GALNT6: variants seen among roughly 807,000 people sequenced by gnomAD.
GALNT6 encodes GalNAc transferase 6.
Under a neutral mutation model 65.9 loss-of-function variants are expected in GALNT6, and 51 were observed. The ratio of observed to expected loss-of-function variants is 0.77; its 90% CI spans 0.62 to 0.98. The LOEUF is 0.98. Among genes scored for constraint, GALNT6 ranks in the 50% least tolerant of loss-of-function variants. The pLI is 0.00. For missense variants in GALNT6, 708 were observed against 803.3 expected, an observed-to-expected ratio of 0.88 and a Z score of 1.43; for synonymous variants, 323 against 315.1, an observed-to-expected ratio of 1.02 and a Z score of -0.26.
intron 4 of GALNT6, among the ~76,000 whole-genome samples, chr12:51,374,075 G>T (rs937940425): frequency 6.6e-6 from 1 of 151,978 alleles, no homozygotes; most frequent in Non-Finnish European, 1.5e-5. Flanking sequence ...GCCCAGGCTG[G>T]TCTTGAACTC....
At chr12:51,371,658 G>T (rs1037625638) in intron 4 of GALNT6, among the ~76,000 whole-genome samples, 5 of 152,060 alleles carry the variant, frequency 3.3e-5, no homozygotes, top group Admixed American at 3.3e-4. Flanking sequence ...AACCCTGGCT[G>T]CTGACCTAGC....
chr12:51,385,137 T>G (rs1947791234), intron 2 of GALNT6, among the ~76,000 whole-genome samples: 1 of 151,960 alleles, frequency 6.6e-6, no homozygotes. Context: ...CATAGGTGTG[T>G]GTCATCAAGA....
rs79398384 is a variant in GALNT6, at chr12:51,380,048, C to T, written c.-103-164G>A. 0.012 allele frequency among the ~76,000 whole-genome samples: 1,860 copies of T among 152,228 alleles called. 60 individuals are homozygous for T. In the East Asian group the frequency reaches 0.12, roughly 10 times the overall value. ...TCCTTCATCCATAAAATGAGGAGAC[C>T]GGAGGCAGTGTTTCTTTCCTGCCCT... On this transcript the variant is annotated intron_variant, in intron 2 of 11. Coordinates refer to ENST00000356317, the MANE Select transcript of GALNT6 (RefSeq NM_007210.4).
At chr12:51,367,867 G>A (rs2137632704) in intron 4 of GALNT6, among the ~76,000 whole-genome samples, 1 of 152,284 alleles carries the variant, frequency 6.6e-6, no homozygotes, top group South Asian at 2.1e-4. Context: ...GAAACAGGGA[G>A]TATTGTCCCC....
chr12:51,375,671 C>T (rs942194544), intron 4 of GALNT6, among the ~76,000 whole-genome samples: 1 of 151,550 alleles, frequency 6.6e-6, no homozygotes, highest in Admixed American at 6.6e-5. Context: ...GATTCTCCTG[C>T]CTCAGCCTCC....
chr12:51,364,440 A>G (rs1289894816), intron 5 of GALNT6, 85 bp from the exon 6 acceptor site: 4 of 906,174 alleles, frequency 4.4e-6, no homozygotes, highest in African/African-American at 3.3e-5. Flanking sequence ...GCCCAGGAGG[A>G]TAAGAGACAG....
At chr12:51,366,879 G>C (rs1947124030) in intron 4 of GALNT6, among the ~76,000 whole-genome samples, 1 of 152,192 alleles carries the variant, frequency 6.6e-6, no homozygotes, top group African/African-American at 2.4e-5. Flanking sequence ...TGTAATCCCA[G>C]CACTTTGGGA....
At chr12:51,389,617 G>A (rs184107704) in intron 2 of GALNT6, among the ~76,000 whole-genome samples, 25 of 152,328 alleles carry the variant, frequency 1.6e-4, no homozygotes, top group Non-Finnish European at 3.1e-4. Context: ...ATCGAAGTTA[G>A]TGACAGGGCT....
At chr12:51,368,836 C>T (rs1478643718) in intron 4 of GALNT6, among the ~76,000 whole-genome samples, 1 of 152,196 alleles carries the variant, frequency 6.6e-6, no homozygotes, top group Non-Finnish European at 1.5e-5. Flanking sequence ...AGGAATGAGG[C>T]CTCTTATCTC....
Position 51,364,106 on chromosome 12 carries a change from G to T in GALNT6, c.1049+15C>A, listed in dbSNP as rs751445455. The T allele has an allele frequency of 4.4e-6, 7 of 1,585,424 alleles. No homozygotes were observed. Among genetic ancestry groups the T allele is most frequent in the South Asian group, 2.2e-5 (2 of 90,482 alleles). Reference sequence around the variant, plus strand: ...CTGGGGCCAGGTTGGGGGCTCACCAGGCTGCGGTCCTTACTTGATGGGGTA... The same window carrying T: ...CTGGGGCCAGGTTGGGGGCTCACCATGCTGCGGTCCTTACTTGATGGGGTA... On this transcript the variant is annotated intron_variant, in intron 6 of 11. Transcript: ENST00000356317.
chr12:51,390,158 T>TTC (rs148605958), intron 2 of GALNT6, among the ~76,000 whole-genome samples: 233 of 71,498 alleles, frequency 3.3e-3, no homozygotes, highest in East Asian at 0.016. Context: ...CTTTCTTTCT[T>TTC]TTTTTTTTTT....
Position 51,358,206 on chromosome 12 carries a change from T to A in GALNT6, c.1424A>T (p.His475Leu), listed in dbSNP as rs1260321006. The change falls in exon 9 of 12, where the codon CAC (histidine) becomes CTC (leucine). Residue 475 changes from histidine (H) to leucine (L), a missense_variant. Coordinates refer to ENST00000356317, the MANE Select transcript of GALNT6 (RefSeq NM_007210.4). ...ATTGTGCAGGTACCAGGAAAAGTTG[T>A]GACAGTGCAGTTGTTCCCTCAGCTG... The part of the protein sequence containing the change: ...RLQLREQLHC[H>L]NFSWYLHNVY... 1.2e-6 allele frequency: 2 copies of A among 1,613,992 alleles called. No individual in the cohort carries two copies. Among genetic ancestry groups the A allele is most frequent in the South Asian group, 1.1e-5 (1 of 91,078 alleles).
chr12:51,383,344 G>C (rs4761936), intron 2 of GALNT6: 1 of 152,014 alleles, frequency 6.6e-6, no homozygotes, highest in East Asian at 1.9e-4. Flanking sequence ...TGCAGGCTTC[G>C]TCTTCCCTGC....
At chr12:51,356,450 C>T (rs1406959604) in intron 10 of GALNT6, among the ~76,000 whole-genome samples, 1 of 137,974 alleles carries the variant, frequency 7.2e-6, no homozygotes, top group African/African-American at 2.7e-5. Flanking sequence ...ACCTTGAATT[C>T]GTTTGTTCAA....
In GALNT6 at chr12:51,379,877, G is replaced by T. The variant is rs1315079032; in HGVS notation, c.-96C>A. 2 of 1,270,388 alleles carry T rather than the reference G, an allele frequency of 1.6e-6. No homozygotes were observed. Among genetic ancestry groups the T allele is most frequent in the Admixed American group, 5.2e-5 (2 of 38,490 alleles). 78.7% of individuals were successfully genotyped at this position (1,270,388 alleles called of 1,614,324 possible). On this transcript the variant is annotated 5_prime_UTR_variant, in exon 3 of 12. Coordinates refer to ENST00000356317, the MANE Select transcript of GALNT6 (RefSeq NM_007210.4). ...TACGTTGTGGTGGCCACAAGCTGGG[G>T]CCTCAGCCTGAGAAAGGAGGGGACA...
intron 4 of GALNT6, among the ~76,000 whole-genome samples, chr12:51,375,667 C>T (rs1592341870): frequency 6.6e-6 from 1 of 151,090 alleles, no homozygotes; most frequent in African/African-American, 2.4e-5. Flanking sequence ...AAGCGATTCT[C>T]CTGCCTCAGC....
chr12:51,372,500 C>T (rs1302004623), intron 4 of GALNT6, among the ~76,000 whole-genome samples: 3 of 152,256 alleles, frequency 2.0e-5, no homozygotes, highest in African/African-American at 4.8e-5. Flanking sequence ...TGAGCCAGTG[C>T]GTCCTGACCA....
At position 51,354,261 on chromosome 12, in the gene GALNT6, G is replaced by C. The variant is rs572786981; in HGVS notation, c.*118C>G. ...TAGGAAGGTCCTGCCTTGCCACCCA[G>C]TGGGTTTAGAAATCCATCTTTACGG... On this transcript the variant is annotated 3_prime_UTR_variant, in exon 12 of 12. Transcript: ENST00000356317. 1.5e-5 allele frequency: 9 copies of C among 586,176 alleles called. No individual in the cohort carries two copies. The highest frequency in any genetic ancestry group is 9.9e-5 in the African/African-American group (5 of 50,712). 36.3% of individuals were successfully genotyped at this position (586,176 alleles called of 1,614,324 possible).
intron 2 of GALNT6, among the ~76,000 whole-genome samples, chr12:51,388,259 G>C (rs1194271761): frequency 6.6e-6 from 1 of 152,198 alleles, no homozygotes; most frequent in Non-Finnish European, 1.5e-5. Context: ...GGATCAGCAG[G>C]AGCTGCCTGC....
Sources: gnomAD v4.1 joint callset for allele counts (sites outside exome capture counted in the v4.1 genomes callset) on GRCh38, gnomAD v4.1.1 for gene constraint, MANE v1.5 for transcripts, NCBI Gene and HGNC (gene_info 2026-07-23, HGNC 2026-07-21) for gene names.